The following RGL1 variants were observed in gnomAD, a reference collection of about 807,000 sequenced individuals.
RGL1 encodes the protein ral guanine nucleotide dissociation stimulator-like 1.
A neutral mutation model predicts 95.2 loss-of-function variants in RGL1; 24 were observed. That is an observed-to-expected ratio of 0.25 (90% CI 0.18 to 0.35). The LOEUF is 0.35. Ranked by LOEUF, RGL1 falls within the 10% of genes least tolerant of loss-of-function variation. The pLI is 1.00. For missense variants in RGL1, 715 were observed against 936.3 expected (o/e 0.76, Z 3.08); for synonymous variants, 329 against 344.9 (o/e 0.95, Z 0.51).
chr1:183,805,971 CT>C (rs751229707), intron 1 of RGL1, among the ~76,000 whole-genome samples: 20 of 74,588 alleles, frequency 2.7e-4, no homozygotes, highest in South Asian at 5.9e-4. Context: ...CTTTTCTTTT[CT>C]TTTTTTTTTT....
At chr1:183,781,073 C>T (rs1396472484) in intron 2 of RGL1, among the ~76,000 whole-genome samples, 3 of 152,158 alleles carry the variant, frequency 2.0e-5, no homozygotes, top group African/African-American at 4.8e-5. Flanking sequence ...GTGATCCTTC[C>T]GACTTTATGG....
At chr1:183,773,411 A>C (rs575605668) in intron 2 of RGL1, among the ~76,000 whole-genome samples, 1 of 152,358 alleles carries the variant, frequency 6.6e-6, no homozygotes, top group African/African-American at 2.4e-5. Flanking sequence ...ATTAATGAAC[A>C]AATAAAGGAA....
intron 4 of RGL1, among the ~76,000 whole-genome samples, chr1:183,869,351 G>A (rs1360319818): frequency 2.0e-5 from 3 of 152,206 alleles, no homozygotes; most frequent in African/African-American, 4.8e-5. Flanking sequence ...TTAAGCATAT[G>A]AGGGCTTAAC....
At chr1:183,681,988 G>C (rs1011939520) in intron 1 of RGL1, among the ~76,000 whole-genome samples, 4 of 152,164 alleles carry the variant, frequency 2.6e-5, no homozygotes, top group African/African-American at 9.7e-5. Flanking sequence ...ATGGTAGTTT[G>C]TATTTCTGTG....
At chr1:183,652,485 A>C (rs1206173796) in intron 1 of RGL1, among the ~76,000 whole-genome samples, 1 of 152,222 alleles carries the variant, frequency 6.6e-6, no homozygotes, top group African/African-American at 2.4e-5. Flanking sequence ...CTGAAGAGGA[A>C]GCAGGAAAGA....
chr1:183,754,228 T>C (rs906390459), intron 2 of RGL1, among the ~76,000 whole-genome samples: 3 of 152,274 alleles, frequency 2.0e-5, no homozygotes, highest in Admixed American at 2.0e-4. Context: ...ATAGTATTAC[T>C]AGCTCACCTT....
At chr1:183,835,391 G>A (rs566511159) in intron 2 of RGL1, among the ~76,000 whole-genome samples, 1 of 151,020 alleles carries the variant, frequency 6.6e-6, no homozygotes, top group Admixed American at 6.6e-5. Flanking sequence ...TAGCAGGTAG[G>A]AAAATTATTT....
At chr1:183,722,437 A>G (rs1656062818) in intron 1 of RGL1, among the ~76,000 whole-genome samples, 1 of 152,106 alleles carries the variant, frequency 6.6e-6, no homozygotes, top group African/African-American at 2.4e-5. Context: ...ATGACCAAAC[A>G]TCTTTCATAT....
chr1:183,878,150 T>TTCTATCTATCTATCTA (rs751622115), intron 4 of RGL1, among the ~76,000 whole-genome samples: 5 of 111,552 alleles, frequency 4.5e-5, no homozygotes, highest in South Asian at 3.0e-4. Context: ...TTGATTTTCT[T>TTCTATCTATCTATCTA]TCTATCTATC....
At chr1:183,827,370 C>G (rs1403182947) in intron 2 of RGL1, among the ~76,000 whole-genome samples, 1 of 152,146 alleles carries the variant, frequency 6.6e-6, no homozygotes, top group Non-Finnish European at 1.5e-5. Context: ...GGAATTAACC[C>G]AAAGGTGTGG....
intron 4 of RGL1, among the ~76,000 whole-genome samples, chr1:183,877,945 C>G (rs1666603288): frequency 6.6e-6 from 1 of 152,144 alleles, no homozygotes; most frequent in South Asian, 2.1e-4. Flanking sequence ...ATCAGAAATA[C>G]CCACACGAGC....
intron 2 of RGL1, among the ~76,000 whole-genome samples, chr1:183,826,734 C>T (rs1225731995): frequency 6.6e-6 from 1 of 152,132 alleles, no homozygotes; most frequent in Non-Finnish European, 1.5e-5. Flanking sequence ...TTAAACTGTG[C>T]TCCGGATGTT....
intron 2 of RGL1, among the ~76,000 whole-genome samples, chr1:183,758,346 G>T (rs555111564): frequency 2.6e-5 from 4 of 152,220 alleles, no homozygotes; most frequent in African/African-American, 9.6e-5. Flanking sequence ...ACGGGCGCCT[G>T]CCACCATGCC....
In RGL1 at chr1:183,824,376, C is replaced by T. The variant is rs184797892; in HGVS notation, c.138+17891C>T. ...AATCACTTGAAGGGCTAAGTGCTTTCTTACTATCACCTTCTCTATCTTGGG... is the reference window on the plus strand; with the variant it reads ...AATCACTTGAAGGGCTAAGTGCTTTTTTACTATCACCTTCTCTATCTTGGG... On this transcript the variant is annotated intron_variant, in intron 2 of 17. Transcript: ENST00000360851. Among the ~76,000 whole-genome samples the T allele has an allele frequency of 1.8e-3, 272 of 152,284 alleles. 4 individuals carry two copies. Among genetic ancestry groups the T allele is most frequent in the Non-Finnish European group, 1.3e-3 (88 of 68,018 alleles).
chr1:183,793,678 A>G (rs1024234739), intron 2 of RGL1, among the ~76,000 whole-genome samples: 3 of 152,146 alleles, frequency 2.0e-5, no homozygotes, highest in Non-Finnish European at 4.4e-5. Context: ...TGAAAAAAAA[A>G]TGCTCAACAT....
intron 4 of RGL1, among the ~76,000 whole-genome samples, chr1:183,874,016 T>C (rs941519234): frequency 6.6e-6 from 1 of 152,206 alleles, no homozygotes; most frequent in African/African-American, 2.4e-5. Flanking sequence ...GAAAACTCCC[T>C]TCTTGGACTG....
chr1:183,662,993 A>C (rs1651757828), intron 1 of RGL1, among the ~76,000 whole-genome samples: 1 of 152,112 alleles, frequency 6.6e-6, no homozygotes, highest in Non-Finnish European at 1.5e-5. Flanking sequence ...TGGTGCTGGG[A>C]AAACTGGCTA....
At chr1:183,751,826 TC>T (rs1658020859) in intron 2 of RGL1, among the ~76,000 whole-genome samples, 1 of 152,142 alleles carries the variant, frequency 6.6e-6, no homozygotes, top group Admixed American at 6.5e-5. Flanking sequence ...CCCTTGCACT[TC>T]CCAGGTGAGC....
intron 1 of RGL1, among the ~76,000 whole-genome samples, chr1:183,654,055 C>G (rs576699752): frequency 6.6e-6 from 1 of 152,282 alleles, no homozygotes; most frequent in South Asian, 2.1e-4. Context: ...CAGACATACT[C>G]TAAAAATAAC....
Sources: gnomAD v4.1 joint callset for allele counts (sites outside exome capture counted in the v4.1 genomes callset) on GRCh38, gnomAD v4.1.1 for gene constraint, MANE v1.5 for transcripts, NCBI Gene and HGNC (gene_info 2026-07-23, HGNC 2026-07-21) for gene names.